Variants in ERCC6L2 observed in about 807,000 individuals in gnomAD.
ERCC6L2 encodes the protein DNA excision repair protein ERCC-6-like 2.
In ERCC6L2, 77 loss-of-function variants were observed where a neutral mutation model predicts 132.0. The observed-to-expected ratio is 0.58, with a 90% confidence interval of 0.49 to 0.71. The LOEUF (loss-of-function observed/expected upper bound fraction) is 0.71, where lower values mean the gene tolerates loss of function less well. Among genes scored for constraint, ERCC6L2 ranks in the 30% least tolerant of loss-of-function variants. The pLI, the probability that ERCC6L2 is intolerant of heterozygous loss-of-function variation, is 0.00. For synonymous variants in ERCC6L2, 583 were observed against 632.4 expected (o/e 0.92, Z 1.17); for missense variants, 1,542 against 1,837.6 (o/e 0.84, Z 2.94).
chr9:95,963,343 G>C (rs1191440729), intron 13 of ERCC6L2, among the ~76,000 whole-genome samples: 1 of 151,824 alleles, frequency 6.6e-6, no homozygotes. Flanking sequence ...AGCCATTTGA[G>C]AGAGTTAGAC....
intron 14 of ERCC6L2, 124 bp downstream of exon 14, chr9:95,966,838 C>A: frequency 2.8e-6 from 2 of 725,020 alleles, no homozygotes; most frequent in Non-Finnish European, 4.0e-6. Flanking sequence ...ATCAAAAATG[C>A]CTTGGAATTT....
At chr9:95,943,316 G>A (rs933050700) in intron 12 of ERCC6L2, among the ~76,000 whole-genome samples, 1 of 152,076 alleles carries the variant, frequency 6.6e-6, no homozygotes, top group Non-Finnish European at 1.5e-5. Context: ...CTCAGGAAAG[G>A]ACCAGGATAC....
chr9:95,923,198 A>C (rs1829952519), intron 8 of ERCC6L2, 62 bp from the exon 9 acceptor site: 2 of 1,529,052 alleles, frequency 1.3e-6, no homozygotes, highest in African/African-American at 2.8e-5. Flanking sequence ...AAATTATTTC[A>C]ATTTATACAG....
chr9:95,918,275 G>T (rs1192809135), intron 6 of ERCC6L2: 4 of 425,984 alleles, frequency 9.4e-6, no homozygotes, highest in African/African-American at 6.2e-5. Context: ...CTACAGTGTA[G>T]CTGTGATGTT....
chr9:95,967,274 G>A (rs544000179), intron 14 of ERCC6L2: 1 of 151,912 alleles, frequency 6.6e-6, no homozygotes, highest in East Asian at 1.9e-4. Context: ...TTATATACCG[G>A]AATACTAAGG....
chr9:95,907,841 ACACACACACACACACCCC>A (rs1243038298), intron 4 of ERCC6L2, among the ~76,000 whole-genome samples: 2 of 149,554 alleles, frequency 1.3e-5, no homozygotes, highest in East Asian at 4.0e-4. Context: ...ACACACACAC[ACACACACACACACACCCC>A]CACACCCACA....
At chr9:95,992,052 A>G (rs2133161192) in intron 17 of ERCC6L2, among the ~76,000 whole-genome samples, 1 of 152,332 alleles carries the variant, frequency 6.6e-6, no homozygotes, top group Admixed American at 6.5e-5. Context: ...GCTTCAACCA[A>G]AACAATGTGT....
intron 4 of ERCC6L2, among the ~76,000 whole-genome samples, chr9:95,910,190 G>A (rs1212152780): frequency 6.6e-6 from 1 of 152,134 alleles, no homozygotes; most frequent in African/African-American, 2.4e-5. Flanking sequence ...AGTTGTAATT[G>A]TAGATATGTT....
chr9:96,038,534 T>G (rs1371690157), intron 19 of ERCC6L2, among the ~76,000 whole-genome samples: 1 of 152,168 alleles, frequency 6.6e-6, no homozygotes, highest in Non-Finnish European at 1.5e-5. Context: ...AAGCACACAT[T>G]GGCATGAACA....
At chr9:95,921,714 T>G (rs981375388) in intron 7 of ERCC6L2, among the ~76,000 whole-genome samples, 2 of 152,202 alleles carry the variant, frequency 1.3e-5, no homozygotes, top group African/African-American at 4.8e-5. Context: ...TAATAGAAAC[T>G]GAGTATCAAA....
chr9:96,009,522 TTG>T (rs1384582489), intron 18 of ERCC6L2, among the ~76,000 whole-genome samples: 1 of 152,216 alleles, frequency 6.6e-6, no homozygotes, highest in African/African-American at 2.4e-5. Context: ...GGATTTTGAA[TTG>T]TATCCATGAT....
chr9:95,964,404 A>G (rs1300972019), intron 13 of ERCC6L2, among the ~76,000 whole-genome samples: 1 of 152,170 alleles, frequency 6.6e-6, no homozygotes, highest in Non-Finnish European at 1.5e-5. Flanking sequence ...AGTCTCCCAA[A>G]GATGTTCACA....
At chr9:95,993,072 A>G (rs1833355516) in intron 17 of ERCC6L2, among the ~76,000 whole-genome samples, 1 of 152,190 alleles carries the variant, frequency 6.6e-6, no homozygotes, top group Non-Finnish European at 1.5e-5. Flanking sequence ...GATCCTATAA[A>G]GACTAGTAGA....
At chr9:95,983,563 C>T (rs759541322) in intron 17 of ERCC6L2, among the ~76,000 whole-genome samples, 1 of 152,176 alleles carries the variant, frequency 6.6e-6, no homozygotes, top group Non-Finnish European at 1.5e-5. Flanking sequence ...AAGAATGTTA[C>T]GCACTTAACA....
At chr9:95,989,006 A>T (rs1021242230) in intron 17 of ERCC6L2, among the ~76,000 whole-genome samples, 4 of 152,142 alleles carry the variant, frequency 2.6e-5, no homozygotes, top group African/African-American at 7.2e-5. Flanking sequence ...TAGGGTTACC[A>T]TTTTATTAGG....
chr9:95,948,209 G>A (rs1831154589), intron 12 of ERCC6L2, among the ~76,000 whole-genome samples: 1 of 152,192 alleles, frequency 6.6e-6, no homozygotes, highest in African/African-American at 2.4e-5. Context: ...TATCAAACAG[G>A]AGTTTGGAAT....
At chr9:96,005,262 G>A (rs1334798135) in intron 18 of ERCC6L2, among the ~76,000 whole-genome samples, 11 of 151,982 alleles carry the variant, frequency 7.2e-5, no homozygotes, top group Non-Finnish European at 1.3e-4. Context: ...GCAGTGAGCC[G>A]AGATTGCGCC....
chr9:95,958,551 A>G (rs1831732897), intron 13 of ERCC6L2, among the ~76,000 whole-genome samples: 1 of 152,074 alleles, frequency 6.6e-6, no homozygotes, highest in South Asian at 2.1e-4. Context: ...TGCCATTCTA[A>G]CTGGTGTGAG....
chr9:95,997,563 C>T (rs771213016), intron 17 of ERCC6L2, among the ~76,000 whole-genome samples: 44 of 152,350 alleles, frequency 2.9e-4, no homozygotes, highest in South Asian at 1.2e-3. Flanking sequence ...ATAATGTATG[C>T]ACACCTAATA....
Sources: allele counts gnomAD v4.1 joint callset (sites outside exome capture counted in the v4.1 genomes callset), GRCh38; gene constraint gnomAD v4.1.1; transcripts MANE v1.5; gene names NCBI Gene and HGNC (gene_info 2026-07-23, HGNC 2026-07-21).